RAPGEF4: variants seen among roughly 807,000 people sequenced by gnomAD.
RAPGEF4 encodes the protein Rap guanine nucleotide exchange factor 4, also known as RAP guanine-nucleotide-exchange factor (GEF) 4.
In RAPGEF4, 66 loss-of-function variants were observed where a neutral mutation model predicts 147.9. The observed-to-expected ratio is 0.45, with a 90% CI of 0.37 to 0.55. The LOEUF is 0.55. Among genes scored for constraint, RAPGEF4 ranks in the 20% least tolerant of loss-of-function variants. RAPGEF4 has a pLI of 0.00. For synonymous variants in RAPGEF4, 419 were observed against 442.7 expected (o/e 0.95, Z 0.67); for missense variants, 1,071 against 1,257.3 (o/e 0.85, Z 2.24).
At chr2:172,914,061 A>G (rs1683755800) in intron 4 of RAPGEF4, among the ~76,000 whole-genome samples, 2 of 152,210 alleles carry the variant, frequency 1.3e-5, no homozygotes, top group Non-Finnish European at 2.9e-5. Flanking sequence ...ATATCTGTAT[A>G]TAAGTAGTGC....
chr2:173,014,670 T>C, intron 18 of RAPGEF4, 56 bp downstream of exon 18: 1 of 1,545,232 alleles, frequency 6.5e-7, no homozygotes, highest in Non-Finnish European at 8.8e-7. Flanking sequence ...TACAGGGACC[T>C]ACTTATAGGC....
chr2:172,981,700 A>G (rs1358707434), intron 10 of RAPGEF4, among the ~76,000 whole-genome samples: 1 of 152,232 alleles, frequency 6.6e-6, no homozygotes, highest in Non-Finnish European at 1.5e-5. Context: ...TGTCCTTGGG[A>G]AGGTACTGTG....
intron 4 of RAPGEF4, among the ~76,000 whole-genome samples, chr2:172,836,479 A>G (rs1279279858): frequency 6.6e-6 from 1 of 152,240 alleles, no homozygotes; most frequent in Non-Finnish European, 1.5e-5. Context: ...CCATGTGATT[A>G]AACACGCTCT....
chr2:172,857,163 C>CGT (rs1365822479), intron 4 of RAPGEF4, among the ~76,000 whole-genome samples: 11 of 141,054 alleles, frequency 7.8e-5, no homozygotes, highest in South Asian at 2.2e-4. Context: ...AAAATACGCG[C>CGT]GTGTGCGCGC....
chr2:172,909,494 G>T (rs1188506542), intron 4 of RAPGEF4, among the ~76,000 whole-genome samples: 1 of 152,202 alleles, frequency 6.6e-6, no homozygotes, highest in East Asian at 1.9e-4. Context: ...GTTAGAGTGT[G>T]TTGGGATCCA....
rs11374637 is a variant in RAPGEF4, at chr2:172,964,401, ATTTTT to A, written c.699-1142_699-1138del. Among the ~76,000 whole-genome samples the A allele has an allele frequency of 1.6e-4, 18 of 115,158 alleles. No homozygotes were observed. The East Asian group carries it at 2.8e-3, about 18-fold the overall frequency. The allele number at this position is 115,158 out of a possible 152,430, so 75.5% of individuals were successfully genotyped here. ...TTAGAGGCCATCATTTGCTCCTCCT[ATTTTT>A]TTTTTTTTTTTTTTTTTTACGGCAA... On this transcript the variant is annotated intron_variant, in intron 8 of 30. Transcript: ENST00000397081.
At chr2:172,743,716 A>C (rs1694514540) in intron 1 of RAPGEF4, among the ~76,000 whole-genome samples, 1 of 152,182 alleles carries the variant, frequency 6.6e-6, no homozygotes, top group Admixed American at 6.5e-5. Flanking sequence ...GGAGGCTTCC[A>C]GGGAAGCTCT....
intron 4 of RAPGEF4, among the ~76,000 whole-genome samples, chr2:172,874,570 A>G (rs1695655145): frequency 6.6e-6 from 1 of 152,168 alleles, no homozygotes; most frequent in Admixed American, 6.5e-5. Context: ...CCTACAAAGG[A>G]CATGAACTCA....
Position 172,985,341 on chromosome 2 carries a change from C to T in RAPGEF4, c.1090-92C>T, listed in dbSNP as rs1692133873. On this transcript the variant is annotated intron_variant, in intron 11 of 30. Transcript: ENST00000397081. Reference sequence around the variant, plus strand: ...GATGACTGCATGGGAAGCCCCGGGACAGTTTGCATTGTGCCCCCAGAAAGA... The same window carrying T: ...GATGACTGCATGGGAAGCCCCGGGATAGTTTGCATTGTGCCCCCAGAAAGA... 3.1e-5 allele frequency: 49 copies of T among 1,571,542 alleles called. 2 individuals carry two copies. The South Asian group carries it at 5.0e-4, about 16-fold the overall frequency.
intron 15 of RAPGEF4, among the ~76,000 whole-genome samples, chr2:172,995,923 A>G (rs1404442869): frequency 1.3e-5 from 2 of 152,100 alleles, no homozygotes; most frequent in Non-Finnish European, 2.9e-5. Flanking sequence ...CATCAGTGTT[A>G]TGGGGTTTTG....
chr2:172,815,914 A>G (rs575124931), intron 4 of RAPGEF4, among the ~76,000 whole-genome samples: 5 of 152,318 alleles, frequency 3.3e-5, no homozygotes, highest in East Asian at 1.9e-4. Context: ...GTATAGTACA[A>G]TGAACACCCA....
chr2:172,750,891 C>T (rs1327742366), intron 1 of RAPGEF4, among the ~76,000 whole-genome samples: 1 of 152,032 alleles, frequency 6.6e-6, no homozygotes, highest in Non-Finnish European at 1.5e-5. Flanking sequence ...AATATTAACC[C>T]TTTATCAGAT....
At chr2:172,970,767 G>A (rs190797473) in intron 10 of RAPGEF4, among the ~76,000 whole-genome samples, 35 of 152,142 alleles carry the variant, frequency 2.3e-4, no homozygotes, top group African/African-American at 8.2e-4. Context: ...TAGAGCTTCA[G>A]GGGAAATTTT....
rs1692742871 is a variant in RAPGEF4, at chr2:172,990,697, T to C, written c.1375-113T>C. The C allele has an allele frequency of 8.4e-6, 6 of 717,450 alleles. No homozygotes were observed. In the South Asian group the frequency reaches 8.9e-5, roughly 11 times the overall value. 44.4% of individuals were successfully genotyped at this position (717,450 alleles called of 1,614,324 possible). ...TTGACTTTGAAAATGACTTAATTTG[T>C]AGACGCAACAATTAGCATGACAAGC... On this transcript the variant is annotated intron_variant, in intron 14 of 30. Transcript: ENST00000397081.
chr2:172,946,243 CA>C (rs1332404883), intron 6 of RAPGEF4, among the ~76,000 whole-genome samples: 1 of 151,998 alleles, frequency 6.6e-6, no homozygotes, highest in Non-Finnish European at 1.5e-5. Flanking sequence ...AAAAATAAAA[CA>C]AAACCCACAC....
intron 10 of RAPGEF4, among the ~76,000 whole-genome samples, chr2:172,979,939 C>T (rs58097901): frequency 0.073 from 11,086 of 152,192 alleles, 593 homozygotes; most frequent in South Asian, 0.16. Context: ...AATCCTTAAA[C>T]TCGGGGGGCA....
At chr2:172,918,091 G>T in intron 5 of RAPGEF4, 1 of 711,530 alleles carries the variant, frequency 1.4e-6, no homozygotes, top group Middle Eastern at 2.3e-4. Context: ...GGTATGCTCT[G>T]GTGCCAGCTG....
intron 4 of RAPGEF4, among the ~76,000 whole-genome samples, chr2:172,856,242 G>A (rs1027160782): frequency 6.6e-6 from 1 of 151,946 alleles, no homozygotes; most frequent in African/African-American, 2.4e-5. Flanking sequence ...ATCTGTTATT[G>A]GGTCAATTCA....
chr2:172,935,993 G>A (rs1686518509), intron 6 of RAPGEF4, among the ~76,000 whole-genome samples: 1 of 152,186 alleles, frequency 6.6e-6, no homozygotes, highest in Non-Finnish European at 1.5e-5. Flanking sequence ...AGTCTAAAAT[G>A]AAGTCTAGCA....
Sources: allele counts gnomAD v4.1 joint callset (sites outside exome capture counted in the v4.1 genomes callset), GRCh38; gene constraint gnomAD v4.1.1; transcripts MANE v1.5; gene names NCBI Gene and HGNC (gene_info 2026-07-23, HGNC 2026-07-21).